The following CTNNA3 variants were observed in gnomAD, a reference collection of about 807,000 sequenced individuals.
The protein encoded by CTNNA3 is catenin alpha 3, also known as catenin alpha-3.
CTNNA3 carries 76 observed loss-of-function variants against 95.7 expected under a neutral mutation model. The observed-to-expected ratio is 0.79, with a 90% confidence interval of 0.66 to 0.96. CTNNA3 has a LOEUF of 0.96. Ranked by LOEUF, CTNNA3 falls within the 40% of genes least tolerant of loss-of-function variation. CTNNA3 has a pLI of 0.00. For missense variants in CTNNA3, 1,191 were observed against 1,089.8 expected, an observed-to-expected ratio of 1.09 and a Z score of -1.31; for synonymous variants, 431 against 374.4, an observed-to-expected ratio of 1.15 and a Z score of -1.74.
At chr10:67,731,969 A>C (rs1462138533) in intron 1 of CTNNA3, among the ~76,000 whole-genome samples, 2 of 151,196 alleles carry the variant, frequency 1.3e-5, no homozygotes, top group African/African-American at 4.9e-5. Flanking sequence ...TTTAGTAGAG[A>C]CGGGGTTTCA....
At position 67,550,634 on chromosome 10, in the gene CTNNA3, TAAAG is replaced by T. The variant is rs543467958; in HGVS notation, c.293-10969_293-10966del. Among the ~76,000 whole-genome samples the T allele has an allele frequency of 1.2e-3, 184 of 151,026 alleles. 1 individual carries two copies. The highest frequency in any genetic ancestry group is 4.2e-3 in the African/African-American group (174 of 41,066). ...AATTAAGAATTCTTTATTTAAAGAA[TAAAG>T]AAATTCTTTTATTAAAGAATAAAGA... On this transcript the variant is annotated intron_variant, in intron 3 of 17. Transcript: ENST00000433211.
chr10:65,939,033 G>C (rs1022518933), intron 17 of CTNNA3, among the ~76,000 whole-genome samples: 11 of 151,970 alleles, frequency 7.2e-5, no homozygotes, highest in African/African-American at 2.2e-4. Context: ...CTCCCAAGTA[G>C]CTGGGACTAC....
rs779580294 is a variant in CTNNA3, at chr10:66,337,445, G to A, written c.1732+41707C>T. Among the ~76,000 whole-genome samples the A allele has an allele frequency of 1.5e-4, 23 of 152,062 alleles. 1 individual carries two copies. Among genetic ancestry groups the A allele is most frequent in the Non-Finnish European group, 2.4e-4 (16 of 67,972 alleles). The stretch of plus-strand genomic sequence containing the variant: ...ATTACATCATTTAATCCTCCACAGT[G>A]CTATGAGCCAGATATTGTGCTCCTC... On this transcript the variant is annotated intron_variant, in intron 12 of 17. Coordinates refer to ENST00000433211, the MANE Select transcript of CTNNA3 (RefSeq NM_013266.4).
chr10:67,696,748 TTCTC>T (rs1840971734), upstream of CTNNA3, among the ~76,000 whole-genome samples: 1 of 151,988 alleles, frequency 6.6e-6, no homozygotes, highest in African/African-American at 2.4e-5. Context: ...AATTTATTTT[TTCTC>T]TCTATGACTA....
intron 3 of CTNNA3, among the ~76,000 whole-genome samples, chr10:67,569,206 CTT>C (rs952861789): frequency 2.0e-4 from 30 of 152,218 alleles, no homozygotes; most frequent in African/African-American, 6.7e-4. Context: ...CTTCAGCAGA[CTT>C]TTCTTTTAGT....
intron 7 of CTNNA3, among the ~76,000 whole-genome samples, chr10:67,092,940 G>C (rs942886991): frequency 1.3e-5 from 2 of 151,936 alleles, no homozygotes; most frequent in Admixed American, 1.3e-4. Flanking sequence ...AGCATATAAC[G>C]ATTTTCTTAG....
At position 67,448,180 on chromosome 10, in the gene CTNNA3, A is replaced by G. The variant is rs567835713; in HGVS notation, c.579+73662T>C. Among the ~76,000 whole-genome samples, 189 of 152,340 alleles carry G rather than the reference A, an allele frequency of 1.2e-3. 1 individual carries two copies. The highest frequency in any genetic ancestry group is 4.4e-3 in the African/African-American group (183 of 41,578). ...TCGTATGGTCTTACCTCACTAATCAAATAATGAGGGAGGAGAGCAGGGAAA... is the reference window on the plus strand; with the variant it reads ...TCGTATGGTCTTACCTCACTAATCAGATAATGAGGGAGGAGAGCAGGGAAA... On this transcript the variant is annotated intron_variant, in intron 5 of 17. Coordinates refer to ENST00000433211, the MANE Select transcript of CTNNA3 (RefSeq NM_013266.4).
At chr10:66,712,926 T>C (rs751232772) in intron 9 of CTNNA3, among the ~76,000 whole-genome samples, 6 of 152,268 alleles carry the variant, frequency 3.9e-5, no homozygotes, top group South Asian at 2.1e-4. Flanking sequence ...TTATTTCCTA[T>C]GTCTTTACTT....
chr10:67,006,424 A>C (rs1851993302), intron 7 of CTNNA3, among the ~76,000 whole-genome samples: 1 of 152,136 alleles, frequency 6.6e-6, no homozygotes, highest in African/African-American at 2.4e-5. Flanking sequence ...TGCTATGTAT[A>C]TACTACTCTA....
intron 5 of CTNNA3, among the ~76,000 whole-genome samples, chr10:67,264,003 G>C (rs1322534668): frequency 1.3e-5 from 2 of 151,430 alleles, no homozygotes; most frequent in Non-Finnish European, 2.9e-5. Context: ...GTGTGTATCT[G>C]AAAGAAAGTT....
intron 9 of CTNNA3, among the ~76,000 whole-genome samples, chr10:66,632,503 C>T (rs142708310): frequency 0.03 from 4,292 of 144,112 alleles, 212 homozygotes; most frequent in African/African-American, 0.11. Context: ...TGAAGTGAGC[C>T]GAGATCACTT....
At chr10:66,874,493 T>G (rs1416396369) in intron 7 of CTNNA3, among the ~76,000 whole-genome samples, 1 of 152,228 alleles carries the variant, frequency 6.6e-6, no homozygotes, top group African/African-American at 2.4e-5. Flanking sequence ...TTGTTTTCCC[T>G]CTAACATCCA....
At chr10:66,318,256 T>C (rs1332348713) in intron 12 of CTNNA3, among the ~76,000 whole-genome samples, 6 of 121,632 alleles carry the variant, frequency 4.9e-5, no homozygotes, top group Admixed American at 3.6e-4. Context: ...GTGGAGTTGC[T>C]GGGAGATATA....
At chr10:66,830,723 C>T (rs1050196605) in intron 7 of CTNNA3, among the ~76,000 whole-genome samples, 8 of 152,180 alleles carry the variant, frequency 5.3e-5, no homozygotes, top group African/African-American at 1.4e-4. Flanking sequence ...CATTCTCCTG[C>T]CTCAGCCTCC....
chr10:66,426,511 C>T (rs2093242488), intron 11 of CTNNA3, among the ~76,000 whole-genome samples: 1 of 151,972 alleles, frequency 6.6e-6, no homozygotes, highest in Non-Finnish European at 1.5e-5. Flanking sequence ...TTTGCTTTCA[C>T]TCTTAAAGGA....
At chr10:67,733,473 A>C (rs1456084709) in intron 1 of CTNNA3, among the ~76,000 whole-genome samples, 1 of 152,180 alleles carries the variant, frequency 6.6e-6, no homozygotes, top group Non-Finnish European at 1.5e-5. Flanking sequence ...AAGATTTAGG[A>C]AGGAGGCTTG....
At chr10:65,983,339 C>G (rs1035988051) in intron 16 of CTNNA3, among the ~76,000 whole-genome samples, 2 of 151,566 alleles carry the variant, frequency 1.3e-5, no homozygotes, top group East Asian at 3.9e-4. Context: ...ATTTTGGCTC[C>G]TATTGTCTCC....
chr10:67,567,255 C>CA (rs57832662), intron 3 of CTNNA3, among the ~76,000 whole-genome samples: 4,435 of 135,442 alleles, frequency 0.033, 95 homozygotes, highest in Middle Eastern at 0.072. Context: ...GAGAAAATGG[C>CA]AAAAAAAAAA....
At chr10:67,618,112 G>C (rs755254049) in intron 2 of CTNNA3, among the ~76,000 whole-genome samples, 10 of 152,046 alleles carry the variant, frequency 6.6e-5, no homozygotes, top group Non-Finnish European at 1.3e-4. Context: ...ATAATCCATA[G>C]TTTATAGGAC....
Sources: allele counts gnomAD v4.1 joint callset (sites outside exome capture counted in the v4.1 genomes callset), GRCh38; gene constraint gnomAD v4.1.1; transcripts MANE v1.5; gene names NCBI Gene and HGNC (gene_info 2026-07-23, HGNC 2026-07-21).